The following CNTNAP2 variants were observed in gnomAD, a reference collection of about 807,000 sequenced individuals.
CNTNAP2 encodes the protein contactin associated protein 2.
Under a neutral mutation model 155.2 loss-of-function variants are expected in CNTNAP2, and 98 were observed. That is an observed-to-expected ratio of 0.63 (90% confidence interval 0.54 to 0.75). The LOEUF (loss-of-function observed/expected upper bound fraction) is 0.75, where lower values mean the gene tolerates loss of function less well. Among genes scored for constraint, CNTNAP2 ranks in the 30% least tolerant of loss-of-function variants. The probability of loss-of-function intolerance (pLI) is 0.00; values close to 1 mark genes in which losing one functional copy is unlikely to be tolerated. For missense variants in CNTNAP2, 1,727 were observed against 1,688.1 expected, an observed-to-expected ratio of 1.02 and a Z score of -0.40; for synonymous variants, 651 against 631.2, an observed-to-expected ratio of 1.03 and a Z score of -0.47.
chr7:146,940,810 T>A (rs1436808600), intron 3 of CNTNAP2, among the ~76,000 whole-genome samples: 1 of 143,656 alleles, frequency 7.0e-6, no homozygotes, highest in Admixed American at 6.9e-5. Flanking sequence ...TATATATATG[T>A]GTGTGTGTGT....
intron 1 of CNTNAP2, chr7:146,311,659 A>T (rs2129090806): frequency 6.7e-6 from 1 of 149,518 alleles, no homozygotes; most frequent in African/African-American, 2.5e-5. Context: ...GAAAGAAAGC[A>T]AAGAAAGAAA....
intron 22 of CNTNAP2, among the ~76,000 whole-genome samples, chr7:148,405,489 G>T (rs1208092964): frequency 7.4e-6 from 1 of 135,816 alleles, no homozygotes; most frequent in Non-Finnish European, 1.5e-5. Context: ...GTGCAGTGGT[G>T]CAATCTCGGC....
intron 1 of CNTNAP2, among the ~76,000 whole-genome samples, chr7:146,267,432 G>A (rs1206949558): frequency 1.3e-5 from 2 of 152,068 alleles, no homozygotes; most frequent in Non-Finnish European, 2.9e-5. Flanking sequence ...TTAGATCCTA[G>A]ATATTATAAA....
In CNTNAP2 at chr7:147,174,904, A is replaced by G. The variant is rs144478792; in HGVS notation, c.1348+42395A>G. 2.6e-5 allele frequency among the ~76,000 whole-genome samples: 4 copies of G among 152,302 alleles called. No individual in the cohort carries two copies. The East Asian group carries it at 7.7e-4, about 29-fold the overall frequency. On this transcript the variant is annotated intron_variant, in intron 8 of 23. Transcript: ENST00000361727. ...TTTTTCATAGATAGATCGCACTATAAGAGACAATAATAATGGAAACTGTCA... is the reference window on the plus strand; with the variant it reads ...TTTTTCATAGATAGATCGCACTATAGGAGACAATAATAATGGAAACTGTCA...
chr7:147,886,324 A>C (rs145909186), intron 13 of CNTNAP2, among the ~76,000 whole-genome samples: 5,066 of 151,822 alleles, frequency 0.033, 132 homozygotes, highest in Non-Finnish European at 0.053. Context: ...AATACAAAAA[A>C]ATTATCCAGG....
Position 146,157,958 on chromosome 7 carries a change from G to A in CNTNAP2, c.97+40985G>A, listed in dbSNP as rs539016870. ...CTCCTTAAGTGGGTCTCTGACCCCC[G>A]AGTAGCCTAACTAGGAGACACCTCC... On this transcript the variant is annotated intron_variant, in intron 1 of 23. Coordinates refer to ENST00000361727, the MANE Select transcript of CNTNAP2 (RefSeq NM_014141.6). Among the ~76,000 whole-genome samples, 37 of 152,306 alleles carry A rather than the reference G, an allele frequency of 2.4e-4. No homozygotes were observed. In the East Asian group the frequency reaches 3.5e-3, roughly 14 times the overall value.
At chr7:146,863,921 T>C (rs1795152699) in intron 3 of CNTNAP2, among the ~76,000 whole-genome samples, 1 of 152,140 alleles carries the variant, frequency 6.6e-6, no homozygotes, top group Non-Finnish European at 1.5e-5. Flanking sequence ...CTTTTCAATA[T>C]TTTTTCTTCC....
chr7:146,448,965 A>G (rs1796440751), intron 1 of CNTNAP2, among the ~76,000 whole-genome samples: 2 of 152,002 alleles, frequency 1.3e-5, no homozygotes, highest in Admixed American at 6.6e-5. Flanking sequence ...TGAATGCTAA[A>G]TCTGTTATTA....
chr7:148,338,474 C>G (rs1376294058), intron 21 of CNTNAP2, among the ~76,000 whole-genome samples: 1 of 151,820 alleles, frequency 6.6e-6, no homozygotes, highest in Non-Finnish European at 1.5e-5. Context: ...ACTCTTCCCT[C>G]CCCCCACCCC....
At chr7:146,522,755 A>C (rs994153957) in intron 1 of CNTNAP2, among the ~76,000 whole-genome samples, 1 of 149,798 alleles carries the variant, frequency 6.7e-6, no homozygotes, top group African/African-American at 2.4e-5. Context: ...TCTATTATTA[A>C]TATATAATAA....
intron 14 of CNTNAP2, among the ~76,000 whole-genome samples, chr7:147,951,599 A>G (rs1800930984): frequency 6.6e-6 from 1 of 152,202 alleles, no homozygotes. Flanking sequence ...TAAGAATTCT[A>G]ATAGAAAGTG....
At chr7:147,295,580 C>T (rs531669372) in intron 8 of CNTNAP2, among the ~76,000 whole-genome samples, 1 of 152,180 alleles carries the variant, frequency 6.6e-6, no homozygotes, top group South Asian at 2.1e-4. Flanking sequence ...GAGCTTAGAA[C>T]TTTATACTAT....
intron 1 of CNTNAP2, 98 bp downstream of exon 1, chr7:146,117,071 C>CA: frequency 9.9e-7 from 1 of 1,005,552 alleles, no homozygotes; most frequent in Non-Finnish European, 1.5e-6. Flanking sequence ...GCAGTGCTGG[C>CA]ACCCTGATGT....
intron 15 of CNTNAP2, among the ~76,000 whole-genome samples, chr7:148,011,761 G>C (rs954732689): frequency 1.6e-4 from 24 of 152,204 alleles, no homozygotes; most frequent in Non-Finnish European, 2.8e-4. Context: ...GTAGACCTCT[G>C]TGAGGGCAGG....
intron 13 of CNTNAP2, among the ~76,000 whole-genome samples, chr7:147,821,248 A>G (rs1798355369): frequency 1.3e-5 from 2 of 152,180 alleles, no homozygotes; most frequent in African/African-American, 4.8e-5. Flanking sequence ...TAGGAAATGT[A>G]TTCTTTCTCA....
chr7:147,577,245 G>T (rs1263027991), intron 12 of CNTNAP2, among the ~76,000 whole-genome samples: 1 of 151,926 alleles, frequency 6.6e-6, no homozygotes, highest in Non-Finnish European at 1.5e-5. Flanking sequence ...ACAATCCCAG[G>T]CCAGCTTAAG....
At position 148,230,957 on chromosome 7, in the gene CNTNAP2, G is replaced by A. The variant is rs534442577; in HGVS notation, c.3381+1178G>A. Among the ~76,000 whole-genome samples, 9 of 152,220 alleles carry A rather than the reference G, an allele frequency of 5.9e-5. No individual in the cohort carries two copies. The East Asian group carries it at 1.3e-3, about 23-fold the overall frequency. On this transcript the variant is annotated intron_variant, in intron 20 of 23. Coordinates refer to ENST00000361727, the MANE Select transcript of CNTNAP2 (RefSeq NM_014141.6). ...AGCCAGCAAGTCCAGGAGACAGATC[G>A]TTTTACATCATTTCATCAACATTGT...
chr7:146,340,067 G>A (rs1801350796), intron 1 of CNTNAP2, among the ~76,000 whole-genome samples: 1 of 151,316 alleles, frequency 6.6e-6, no homozygotes, highest in Admixed American at 6.6e-5. Context: ...TACTCAGCAG[G>A]CTGAGGCAGG....
chr7:147,826,407 TATTTGACATTA>T (rs1358243927), intron 13 of CNTNAP2, among the ~76,000 whole-genome samples: 3 of 152,226 alleles, frequency 2.0e-5, no homozygotes, highest in South Asian at 2.1e-4. Flanking sequence ...TTCTATGTCC[TATTTGACATTA>T]GTTTGACTTA....
Sources: allele counts gnomAD v4.1 joint callset (sites outside exome capture counted in the v4.1 genomes callset), GRCh38; gene constraint gnomAD v4.1.1; transcripts MANE v1.5; gene names NCBI Gene and HGNC (gene_info 2026-07-23, HGNC 2026-07-21).